The following UPF3B variants were observed in gnomAD, a reference collection of about 807,000 sequenced individuals.
The protein encoded by UPF3B is UPF3B regulator of nonsense mediated mRNA decay, also known as regulator of nonsense transcripts 3B.
Under a neutral mutation model 40.3 loss-of-function variants are expected in UPF3B, and 7 were observed. That is an observed-to-expected ratio of 0.17 (90% CI 0.10 to 0.33). The LOEUF is 0.33. Ranked by LOEUF, UPF3B falls within the 10% of genes least tolerant of loss-of-function variation. UPF3B has a pLI of 1.00. For missense variants in UPF3B, 229 were observed against 358.9 expected, an observed-to-expected ratio of 0.64 and a Z score of 2.93; for synonymous variants, 117 against 117.3, an observed-to-expected ratio of 1.00 and a Z score of 0.01.
chrX:119,846,436 G>A (rs1288272601), intron 3 of UPF3B, among the ~76,000 whole-genome samples: 4 of 106,565 alleles, frequency 3.8e-5, no homozygotes, highest in African/African-American at 1.4e-4. Context: ...ACTGAGGCAG[G>A]AGAATCACTT....
At chrX:119,841,391 C>G (rs968785992) in intron 6 of UPF3B, 133 bp from the exon 7 acceptor site, 4 of 1,033,987 alleles carry the variant, frequency 3.9e-6, no homozygotes, top group East Asian at 3.0e-5. Context: ...ATTCTACCAC[C>G]GTTATCCCCA....
At chrX:119,845,321 T>C in intron 3 of UPF3B, 25 bp from the exon 4 acceptor site, 1 of 1,125,025 alleles carries the variant, frequency 8.9e-7, no homozygotes, top group South Asian at 1.8e-5. Context: ...AATACCACAC[T>C]TGCTATAACA....
chrX:119,830,100 CAT>C (rs1393859286), downstream of UPF3B, among the ~76,000 whole-genome samples: 7 of 111,619 alleles, frequency 6.3e-5, no homozygotes, highest in Admixed American at 9.6e-5. Flanking sequence ...GCTGAGGAAA[CAT>C]AAAGTTATTT....
downstream of UPF3B, among the ~76,000 whole-genome samples, chrX:119,829,536 A>G (rs948513095): frequency 1.1e-4 from 12 of 112,133 alleles, no homozygotes; most frequent in African/African-American, 3.2e-4. Flanking sequence ...GTCAGGCATC[A>G]TACTTGACCA....
At chrX:119,820,177 T>C (rs2055901211) in intron 4 of UPF3B, among the ~76,000 whole-genome samples, 1 of 110,832 alleles carries the variant, frequency 9.0e-6, no homozygotes, top group South Asian at 3.7e-4. Flanking sequence ...GGAGTCTCCC[T>C]CTGTCGCTCA....
At chrX:119,819,794 T>G (rs1359821985) in intron 4 of UPF3B, among the ~76,000 whole-genome samples, 1 of 110,721 alleles carries the variant, frequency 9.0e-6, no homozygotes, top group East Asian at 2.8e-4. Flanking sequence ...AAGTTTATAT[T>G]TTTTTCTTTT....
At chrX:119,823,390 G>C (rs899909977) in intron 3 of UPF3B, among the ~76,000 whole-genome samples, 4 of 110,308 alleles carry the variant, frequency 3.6e-5, no homozygotes, top group African/African-American at 1.3e-4. Flanking sequence ...TCGCAGGCCC[G>C]TGCTACCACA....
chrX:119,837,737 A>G lies in UPF3B; in HGVS notation c.1302+20T>C. On this transcript the variant is annotated intron_variant, in intron 10 of 10. Coordinates refer to ENST00000276201, the MANE Select transcript of UPF3B (RefSeq NM_080632.3). ...AAAGGGAAAAAAACCCTCATAAACA[A>G]GTTTAATGACAAGCAGCACCTTGTT... is the stretch of plus-strand genomic sequence containing the variant. The G allele has an allele frequency of 2.5e-6, 3 of 1,206,982 alleles. No individual in the cohort carries two copies. The South Asian group carries it at 5.3e-5, about 21-fold the overall frequency.
chrX:119,823,554 T>C (rs866836649), intron 3 of UPF3B, among the ~76,000 whole-genome samples: 10 of 73,394 alleles, frequency 1.4e-4, no homozygotes, highest in Admixed American at 2.0e-4. Flanking sequence ...TTTCTTTTTT[T>C]CCTCTTTTTT....
chrX:119,829,858 T>C (rs1219014485), downstream of UPF3B, among the ~76,000 whole-genome samples: 1 of 111,686 alleles, frequency 9.0e-6, no homozygotes, highest in Non-Finnish European at 1.9e-5. Context: ...GTAACATGGT[T>C]TGTCTCTTTT....
chrX:119,827,280 T>C (rs1380680371), intron 3 of UPF3B, among the ~76,000 whole-genome samples: 2 of 111,368 alleles, frequency 1.8e-5, no homozygotes, highest in African/African-American at 6.5e-5. Flanking sequence ...CTCCAATTCC[T>C]TGGGGATGGA....
intron 4 of UPF3B, among the ~76,000 whole-genome samples, chrX:119,822,762 C>G (rs1603367224): frequency 9.0e-6 from 1 of 111,170 alleles, no homozygotes; most frequent in South Asian, 3.8e-4. Flanking sequence ...CGCCTGCCAC[C>G]AAGCCCGGCT....
intron 3 of UPF3B, among the ~76,000 whole-genome samples, chrX:119,825,658 T>G (rs2055971389): frequency 9.0e-6 from 1 of 111,213 alleles, no homozygotes; most frequent in African/African-American, 3.3e-5. Context: ...AGAACAAACA[T>G]CAAATTTAGG....
At chrX:119,822,617 T>C (rs1205065591) in intron 4 of UPF3B, among the ~76,000 whole-genome samples, 1 of 111,845 alleles carries the variant, frequency 8.9e-6, no homozygotes, top group African/African-American at 3.2e-5. Context: ...TTTTTTTTAA[T>C]TTTTTTGGAG....
chrX:119,841,197 C>T lies in UPF3B; in HGVS notation c.686G>A (p.Arg229Lys), dbSNP rs1192920948. The change falls in exon 7 of 11, where the codon AGA becomes AAA. Residue 229 changes from arginine (R) to lysine (K), a missense_variant. Physicochemically the swap from Arg to Lys is conservative, Grantham distance 26. This residue lies in a region of UPF3B where 87 missense variants were observed against 184.2 expected (regional missense o/e 0.47). Transcript: ENST00000276201. ...RRREIERKRQREEERRKWKEE... is the reference protein window; with the variant it reads ...RRREIERKRQKEEERRKWKEE... ...TTTCCATTTCCTCCTCTCTTCTTCT[C>T]TTTGTCTTTTTCTTTCTATTTCTCT... 1 of 1,185,431 alleles carries T rather than the reference C, an allele frequency of 8.4e-7. No homozygotes were observed. Among genetic ancestry groups the T allele is most frequent in the African/African-American group, 1.8e-5 (1 of 56,451 alleles).
Position 119,820,579 on chromosome X carries a change from C to A in UPF3B, c.494+2363G>T, listed in dbSNP as rs555975616. 2.4e-4 allele frequency among the ~76,000 whole-genome samples: 26 copies of A among 108,884 alleles called. No individual in the cohort carries two copies. In the South Asian group the frequency reaches 0.01, roughly 43 times the overall value. The allele number at this position is 108,884 out of a possible 115,157, so 94.6% of individuals were successfully genotyped here. On this transcript the variant is annotated intron_variant, in intron 4 of 6. Coordinates refer to the UPF3B transcript ENST00000636792. ...AGTTCAAGTGATTCTCCTGCCTGAG[C>A]CTCCCGAGGAGTTTGGACTACAGGT...
chrX:119,830,056 T>G, downstream of UPF3B, among the ~76,000 whole-genome samples: 1 of 111,945 alleles, frequency 8.9e-6, no homozygotes, highest in Non-Finnish European at 1.9e-5. Flanking sequence ...TTGGTGGCTC[T>G]TCTACATGCC....
At chrX:119,849,989 T>A (rs12393020) in intron 3 of UPF3B, among the ~76,000 whole-genome samples, 3,912 of 107,279 alleles carry the variant, frequency 0.036, 200 homozygotes, top group African/African-American at 0.13. Context: ...AAGGATAGTC[T>A]CTTTAATAAG....
chrX:119,842,047 C>T (rs916214977), intron 5 of UPF3B, among the ~76,000 whole-genome samples: 1 of 111,735 alleles, frequency 8.9e-6, no homozygotes, highest in African/African-American at 3.3e-5. Flanking sequence ...GAATTAAGTA[C>T]TTAGGACATT....
Sources: allele counts gnomAD v4.1 joint callset (sites outside exome capture counted in the v4.1 genomes callset), GRCh38; gene constraint gnomAD v4.1.1; regional missense constraint gnomAD v4.1.1; transcripts MANE v1.5; gene names NCBI Gene and HGNC (gene_info 2026-07-23, HGNC 2026-07-21).